The following MTA3 variants were observed in gnomAD, a reference collection of about 807,000 sequenced individuals.
MTA3 encodes the protein metastasis associated 1 family member 3.
In MTA3, 34 loss-of-function variants were observed where a neutral mutation model predicts 83.5. The ratio of observed to expected loss-of-function variants is 0.41; its 90% CI spans 0.31 to 0.54. The LOEUF (loss-of-function observed/expected upper bound fraction) is 0.54, where lower values mean the gene tolerates loss of function less well. Ranked by LOEUF, MTA3 falls within the 20% of genes least tolerant of loss-of-function variation. MTA3 has a pLI of 0.33. For synonymous variants in MTA3, 303 were observed against 252.7 expected (o/e 1.20, Z -1.89); for missense variants, 761 against 726.4 (o/e 1.05, Z -0.55).
chr2:42,584,422 C>T (rs576020175), intron 3 of MTA3, among the ~76,000 whole-genome samples: 2 of 152,308 alleles, frequency 1.3e-5, no homozygotes, highest in South Asian at 2.1e-4. Flanking sequence ...ACTCTCCATG[C>T]CATTTACTCA....
intron 8 of MTA3, among the ~76,000 whole-genome samples, chr2:42,667,621 A>AAGAGAGAGAGAGAG (rs70963342): frequency 8.8e-6 from 1 of 114,074 alleles, no homozygotes; most frequent in African/African-American, 3.3e-5. Context: ...TAGAGAGAGA[A>AAGAGAGAGAGAGAG]AGAGAGAGAG....
chr2:42,553,829 C>T (rs1677244548), intron 2 of MTA3, among the ~76,000 whole-genome samples: 1 of 141,960 alleles, frequency 7.0e-6, no homozygotes, highest in African/African-American at 2.7e-5. Context: ...TGAGATTGTG[C>T]CACTGCAGTC....
At chr2:42,668,106 G>A (rs1392947697) in intron 8 of MTA3, among the ~76,000 whole-genome samples, 2 of 152,316 alleles carry the variant, frequency 1.3e-5, no homozygotes, top group East Asian at 3.9e-4. Flanking sequence ...GGCAGGAAGA[G>A]GGAGTGCAGC....
intron 2 of MTA3, among the ~76,000 whole-genome samples, chr2:42,519,496 C>A (rs1245930742): frequency 6.6e-6 from 1 of 151,758 alleles, no homozygotes. Context: ...GTCCCAACTA[C>A]TTGGGAAACT....
chr2:42,698,602 G>C (rs1008669339), intron 11 of MTA3: 1 of 152,040 alleles, frequency 6.6e-6, no homozygotes, highest in Non-Finnish European at 1.5e-5. Context: ...GTTTCTTTTA[G>C]GATTAAAATG....
chr2:42,580,089 G>A (rs889844036), intron 3 of MTA3, among the ~76,000 whole-genome samples: 17 of 152,012 alleles, frequency 1.1e-4, no homozygotes, highest in Admixed American at 6.6e-5. Context: ...GTCCACAGGT[G>A]TGCACCACGA....
At chr2:42,585,916 C>T (rs182494923) in intron 3 of MTA3, among the ~76,000 whole-genome samples, 2 of 152,002 alleles carry the variant, frequency 1.3e-5, no homozygotes, top group Admixed American at 6.6e-5. Flanking sequence ...CCAGCCTGGG[C>T]AATAGAGTGA....
chr2:42,510,956 C>G (rs994808267), intron 2 of MTA3, among the ~76,000 whole-genome samples: 45 of 152,204 alleles, frequency 3.0e-4, no homozygotes, highest in Non-Finnish European at 6.2e-4. Context: ...GGAGAGCTCC[C>G]TTTACCAACA....
At chr2:42,509,766 G>C (rs1674810739) in intron 2 of MTA3, among the ~76,000 whole-genome samples, 1 of 151,798 alleles carries the variant, frequency 6.6e-6, no homozygotes, top group Non-Finnish European at 1.5e-5. Context: ...GTGAGACCCT[G>C]TCGCAAAAAA....
At chr2:42,611,322 T>TACACACACATACAC in intron 4 of MTA3, among the ~76,000 whole-genome samples, 2 of 16,084 alleles carry the variant, frequency 1.2e-4, no homozygotes, top group South Asian at 7.6e-3. Context: ...ACTTAACACA[T>TACACACACATACAC]ACACACACAC....
At chr2:42,687,210 A>G (rs940602621) in intron 9 of MTA3, among the ~76,000 whole-genome samples, 1 of 152,168 alleles carries the variant, frequency 6.6e-6, no homozygotes, top group Non-Finnish European at 1.5e-5. Context: ...TTTTATAGTC[A>G]ACAATACCCT....
In MTA3 at chr2:42,659,950, A is replaced by G; in HGVS notation, c.702+88A>G. On this transcript the variant is annotated intron_variant, in intron 8 of 16. Coordinates refer to ENST00000405094, the MANE Select transcript of MTA3 (RefSeq NM_001330442.2). ...CATTGTGGCAATACTGTAGACCGGG[A>G]GCTTTTGGGCTCTTAGCCTTCCTGA... 5 of 1,000,074 alleles carry G rather than the reference A, an allele frequency of 5.0e-6. No homozygotes were observed. In the South Asian group the frequency reaches 1.1e-4, roughly 21 times the overall value. The allele number at this position is 1,000,074 out of a possible 1,614,324, so 62.0% of individuals were successfully genotyped here.
At chr2:42,647,959 G>T (rs1688370276) in intron 6 of MTA3, among the ~76,000 whole-genome samples, 1 of 152,150 alleles carries the variant, frequency 6.6e-6, no homozygotes, top group African/African-American at 2.4e-5. Flanking sequence ...TCCTGCATCA[G>T]CCTCCCAAGT....
At chr2:42,683,012 A>G (rs1692060455) in intron 9 of MTA3, among the ~76,000 whole-genome samples, 1 of 152,206 alleles carries the variant, frequency 6.6e-6, no homozygotes, top group African/African-American at 2.4e-5. Flanking sequence ...TGGAGGTTTC[A>G]GTGAGCCGAG....
At chr2:42,615,537 G>A (rs1162178865) in intron 4 of MTA3, among the ~76,000 whole-genome samples, 1 of 151,256 alleles carries the variant, frequency 6.6e-6, no homozygotes, top group African/African-American at 2.4e-5. Context: ...TGTATTTTTA[G>A]TAGAGACAGG....
At chr2:42,602,006 A>G (rs547187661) in intron 3 of MTA3, among the ~76,000 whole-genome samples, 5 of 152,212 alleles carry the variant, frequency 3.3e-5, no homozygotes, top group African/African-American at 1.2e-4. Flanking sequence ...TGCCCGGCTA[A>G]TTTTTGTATT....
chr2:42,535,432 G>A (rs933623389), intron 2 of MTA3, among the ~76,000 whole-genome samples: 7 of 151,494 alleles, frequency 4.6e-5, no homozygotes, highest in African/African-American at 1.7e-4. Context: ...TTTTTTGTGT[G>A]TGGAGATGGG....
At chr2:42,605,725 A>C (rs1573214484) in intron 3 of MTA3, among the ~76,000 whole-genome samples, 4 of 98,582 alleles carry the variant, frequency 4.1e-5, no homozygotes, top group South Asian at 3.9e-4. Flanking sequence ...CGACCCCCCC[A>C]CCTCCCTCCT....
At chr2:42,616,012 G>A (rs1053480808) in intron 4 of MTA3, among the ~76,000 whole-genome samples, 1 of 151,072 alleles carries the variant, frequency 6.6e-6, no homozygotes, top group Non-Finnish European at 1.5e-5. Context: ...GAGCCACCGT[G>A]CCCGGCCGTA....
Sources: allele counts gnomAD v4.1 joint callset (sites outside exome capture counted in the v4.1 genomes callset), GRCh38; gene constraint gnomAD v4.1.1; transcripts MANE v1.5; gene names NCBI Gene and HGNC (gene_info 2026-07-23, HGNC 2026-07-21).